The following KCNK17 variants were observed in gnomAD, a reference collection of about 807,000 sequenced individuals.
KCNK17 encodes potassium channel subfamily K member 17.
A neutral mutation model predicts 24.6 loss-of-function variants in KCNK17; 27 were observed. The observed-to-expected ratio is 1.10, with a 90% CI of 0.81 to 1.51. The LOEUF is 1.51. Ranked by LOEUF, KCNK17 falls within the 40% of genes most tolerant of loss-of-function variation. KCNK17 has a pLI of 0.00. For synonymous variants in KCNK17, 181 were observed against 189.8 expected (o/e 0.95, Z 0.38); for missense variants, 450 against 436.6 (o/e 1.03, Z -0.27).
intron 1 of KCNK17, among the ~76,000 whole-genome samples, chr6:39,312,817 C>T (rs538526323): frequency 2.0e-4 from 31 of 152,322 alleles, no homozygotes; most frequent in African/African-American, 7.2e-4. Flanking sequence ...GCACCAGGAC[C>T]CAGCAGTCGG....
In KCNK17 at chr6:39,304,101, A is replaced by G; in HGVS notation, c.544T>C (p.Ser182Pro). Residue 182 changes from serine to proline, a missense_variant, in exon 4 of 5, where the codon TCT becomes CCT. Physicochemically the swap from Ser to Pro is moderately conservative, Grantham distance 74. Transcript: ENST00000373231. ...AGGAGGCCCGAGAGGAGGGCGCCAG[A>G]GCCCGCCAGCCACCGCGCCTTGTCA... is the stretch of plus-strand genomic sequence containing the variant. The part of the protein sequence containing the change: ...DPDKARWLAG[S>P]GALLSGLLLF... 1 of 1,610,862 alleles carries G rather than the reference A, an allele frequency of 6.2e-7. No homozygotes were observed. Among genetic ancestry groups the G allele is most frequent in the Non-Finnish European group, 8.5e-7 (1 of 1,179,876 alleles).
chr6:39,301,200 G>T (rs1057479124), intron 4 of KCNK17, among the ~76,000 whole-genome samples: 1 of 152,190 alleles, frequency 6.6e-6, no homozygotes, highest in African/African-American at 2.4e-5. Context: ...CCAAGGATTT[G>T]CCCTATCATT....
chr6:39,313,460 G>A (rs1192824164), intron 1 of KCNK17, among the ~76,000 whole-genome samples: 1 of 152,180 alleles, frequency 6.6e-6, no homozygotes, highest in Admixed American at 6.5e-5. Context: ...TCTGCGTTGA[G>A]GGTGGCCCCG....
intron 4 of KCNK17, among the ~76,000 whole-genome samples, chr6:39,301,784 A>C (rs984232918): frequency 6.6e-6 from 1 of 152,210 alleles, no homozygotes; most frequent in Non-Finnish European, 1.5e-5. Flanking sequence ...CTTCAGGCAG[A>C]GGAGTGGCTG....
At chr6:39,307,923 C>T (rs1236951593) in intron 2 of KCNK17, among the ~76,000 whole-genome samples, 1 of 152,216 alleles carries the variant, frequency 6.6e-6, no homozygotes, top group Non-Finnish European at 1.5e-5. Context: ...CATCTCAGGG[C>T]CTTTGCACTT....
chr6:39,311,075 C>T (rs1300321867), intron 1 of KCNK17, 68 bp from the exon 2 acceptor site: 3 of 39,684 alleles, frequency 7.6e-5, no homozygotes, highest in African/African-American at 1.4e-3. Context: ...CCAAGATGCA[C>T]ACACACACAC....
chr6:39,300,126 T>C (rs1761925270), intron 4 of KCNK17, among the ~76,000 whole-genome samples: 1 of 152,142 alleles, frequency 6.6e-6, no homozygotes, highest in Non-Finnish European at 1.5e-5. Flanking sequence ...GTATTTTTTG[T>C]TTTGTTTTGT....
In KCNK17 at chr6:39,300,274, C is replaced by A. The variant is rs370567290; in HGVS notation, c.689-537G>T. ...AGTAGCCGGGACTACAGGCGCCTGCCGCCACGCCCGGCTATTTTTTTGTAT... is the reference window on the plus strand; with the variant it reads ...AGTAGCCGGGACTACAGGCGCCTGCAGCCACGCCCGGCTATTTTTTTGTAT... On this transcript the variant is annotated intron_variant, in intron 4 of 4. Coordinates refer to ENST00000373231, the MANE Select transcript of KCNK17 (RefSeq NM_031460.4). 304 of 568,916 alleles carry A rather than the reference C, an allele frequency of 5.3e-4. 3 individuals carry two copies. The East Asian group carries it at 6.5e-3, about 12-fold the overall frequency. The allele number at this position is 568,916 out of a possible 1,614,324, so 35.2% of individuals were successfully genotyped here.
intron 2 of KCNK17, among the ~76,000 whole-genome samples, chr6:39,310,086 C>T (rs1762107303): frequency 1.3e-5 from 2 of 152,166 alleles, no homozygotes; most frequent in African/African-American, 2.4e-5. Flanking sequence ...AACTGGGAGG[C>T]GGTAGCCCAA....
chr6:39,299,374 C>T lies in KCNK17; in HGVS notation c.*53G>A. The T allele has an allele frequency of 3.5e-6, 5 of 1,427,440 alleles. No individual in the cohort carries two copies. Among genetic ancestry groups the T allele is most frequent in the Non-Finnish European group, 4.8e-6 (5 of 1,035,878 alleles). The allele number at this position is 1,427,440 out of a possible 1,614,324, so 88.4% of individuals were successfully genotyped here. ...TTAGTTTGGGTGGACATGTGCAAAG[C>T]TTAAAATCAGGGGTCTTGCTACCGA... On this transcript the variant is annotated 3_prime_UTR_variant, in exon 5 of 5. Transcript: ENST00000373231.
intron 1 of KCNK17, among the ~76,000 whole-genome samples, chr6:39,311,300 C>A (rs1010905060): frequency 6.6e-6 from 1 of 152,152 alleles, no homozygotes; most frequent in South Asian, 2.1e-4. Flanking sequence ...AGTAAACCAG[C>A]GACTCATTTT....
At chr6:39,311,077 C>CAT in intron 1 of KCNK17, 70 bp from the exon 2 acceptor site, 2 of 69,046 alleles carry the variant, frequency 2.9e-5, no homozygotes, top group Middle Eastern at 0.013. Context: ...AAGATGCACA[C>CAT]ACACACACAC....
At chr6:39,301,405 C>A (rs1030568980) in intron 4 of KCNK17, among the ~76,000 whole-genome samples, 1 of 152,260 alleles carries the variant, frequency 6.6e-6, no homozygotes, top group African/African-American at 2.4e-5. Flanking sequence ...CTGGGCCCCT[C>A]TCTAGGACCC....
rs542153673 is a variant in KCNK17, at chr6:39,314,158, A to G, written c.163T>C (p.Phe55Leu). 20 of 1,576,868 alleles carry G rather than the reference A, an allele frequency of 1.3e-5. No individual in the cohort carries two copies. The African/African-American group carries it at 2.7e-4, about 21-fold the overall frequency. Residue 55 changes from phenylalanine (F) to leucine (L), a missense_variant, in exon 1 of 5, where the codon TTC becomes CTC. Phe to Leu is a conservative substitution (Grantham distance 22, BLOSUM62 0). Transcript: ENST00000373231. ...AACAGCTCCCACTTGTCGCGCTGGAAGCTGCGGCTGGAGTCCTGCGCCGCG... is the reference window on the plus strand; with the variant it reads ...AACAGCTCCCACTTGTCGCGCTGGAGGCTGCGGCTGGAGTCCTGCGCCGCG... ...GRAAQDSSRSFQRDKWELLQN... is the reference protein window; with the variant it reads ...GRAAQDSSRSLQRDKWELLQN...
chr6:39,311,676 T>G (rs6907225), intron 1 of KCNK17, among the ~76,000 whole-genome samples: 2,764 of 152,286 alleles, frequency 0.018, 74 homozygotes, highest in African/African-American at 0.058. Flanking sequence ...AGGCATATAA[T>G]GTTGTAGGAC....
At position 39,305,417 on chromosome 6, in the gene KCNK17, C is replaced by T. The variant is rs189330335; in HGVS notation, c.353-762G>A. On this transcript the variant is annotated intron_variant, in intron 2 of 4. Coordinates refer to ENST00000373231, the MANE Select transcript of KCNK17 (RefSeq NM_031460.4). ...TCCTGGAGGACCCAAACTAGCACAA[C>T]GGGGCTCCCTCATAAAGCTCAGTGG... Among the ~76,000 whole-genome samples the T allele has an allele frequency of 5.9e-5, 9 of 152,190 alleles. No homozygotes were observed. The South Asian group carries it at 8.3e-4, about 14-fold the overall frequency.
chr6:39,302,217 G>A (rs1005759392), intron 4 of KCNK17, among the ~76,000 whole-genome samples: 3 of 152,196 alleles, frequency 2.0e-5, no homozygotes, highest in Admixed American at 6.5e-5. Context: ...TGCAGTGGCC[G>A]CTGGGCAGGA....
At position 39,299,303 on chromosome 6, in the gene KCNK17, T is replaced by A; in HGVS notation, c.*124A>T. Reference sequence around the variant, plus strand: ...TGTATACCCTATTGGGCAGAATTAATCATATAGCTGCACCCAGCCTCTAGG... The same window carrying A: ...TGTATACCCTATTGGGCAGAATTAAACATATAGCTGCACCCAGCCTCTAGG... On this transcript the variant is annotated 3_prime_UTR_variant, in exon 5 of 5. Coordinates refer to ENST00000373231, the MANE Select transcript of KCNK17 (RefSeq NM_031460.4). 1 of 719,220 alleles carries A rather than the reference T, an allele frequency of 1.4e-6. No homozygotes were observed. 44.6% of individuals were successfully genotyped at this position (719,220 alleles called of 1,614,324 possible). A position where few individuals can be genotyped will look rare whatever the true frequency, so the allele number is the denominator to read the frequency against.
chr6:39,303,334 G>A (rs976729336), intron 4 of KCNK17, among the ~76,000 whole-genome samples: 12 of 152,152 alleles, frequency 7.9e-5, no homozygotes, highest in Admixed American at 1.3e-4. Context: ...CAGCCACTCC[G>A]CCACGGCACA....
Sources: allele counts gnomAD v4.1 joint callset (sites outside exome capture counted in the v4.1 genomes callset), GRCh38; gene constraint gnomAD v4.1.1; transcripts MANE v1.5; gene names NCBI Gene and HGNC (gene_info 2026-07-23, HGNC 2026-07-21).